MCUB: variants seen among roughly 807,000 people sequenced by gnomAD.
The protein encoded by MCUB is mitochondrial calcium uniporter dominant negative subunit beta.
A neutral mutation model predicts 41.4 loss-of-function variants in MCUB; 46 were observed. The ratio of observed to expected loss-of-function variants is 1.11; its 90% CI spans 0.88 to 1.42. The LOEUF (loss-of-function observed/expected upper bound fraction) is 1.42, where lower values mean the gene tolerates loss of function less well. Among genes scored for constraint, MCUB ranks in the 40% most tolerant of loss-of-function variants. The pLI, the probability that MCUB is intolerant of heterozygous loss-of-function variation, is 0.00. For missense variants in MCUB, 403 were observed against 404.9 expected, an observed-to-expected ratio of 1.00 and a Z score of 0.04; for synonymous variants, 148 against 148.2, an observed-to-expected ratio of 1.00 and a Z score of 0.01.
At chr4:109,600,219 G>A (rs528069583) in intron 1 of MCUB, among the ~76,000 whole-genome samples, 3 of 152,260 alleles carry the variant, frequency 2.0e-5, no homozygotes, top group African/African-American at 7.2e-5. Context: ...GCCACTACCT[G>A]TACTACCTGT....
At chr4:109,662,663 A>C (rs1455411829) in intron 3 of MCUB, among the ~76,000 whole-genome samples, 1 of 152,212 alleles carries the variant, frequency 6.6e-6, no homozygotes, top group Non-Finnish European at 1.5e-5. Flanking sequence ...TTTGCTATTC[A>C]TACCTTTGTA....
At chr4:109,652,681 C>T (rs1455736466) in intron 1 of MCUB, among the ~76,000 whole-genome samples, 1 of 152,142 alleles carries the variant, frequency 6.6e-6, no homozygotes, top group African/African-American at 2.4e-5. Flanking sequence ...GACCTAAGCA[C>T]CTCCCATTAG....
chr4:109,682,854 C>G, intron 5 of MCUB, 112 bp downstream of exon 5: 1 of 774,578 alleles, frequency 1.3e-6, no homozygotes, highest in Non-Finnish European at 2.0e-6. Flanking sequence ...TTCTCCTTTA[C>G]GCCTCACAAA....
chr4:109,612,454 T>C (rs1277627361), intron 1 of MCUB, among the ~76,000 whole-genome samples: 1 of 151,908 alleles, frequency 6.6e-6, no homozygotes, highest in Admixed American at 6.6e-5. Flanking sequence ...TTAGTAGATA[T>C]GGGATTTCAC....
chr4:109,565,303 C>T (rs1028172583), intron 1 of MCUB, among the ~76,000 whole-genome samples: 1 of 152,224 alleles, frequency 6.6e-6, no homozygotes, highest in African/African-American at 2.4e-5. Context: ...AACAACACCA[C>T]TGGCTATACG....
intron 1 of MCUB, among the ~76,000 whole-genome samples, chr4:109,570,232 G>A (rs1220721551): frequency 1.3e-5 from 2 of 152,116 alleles, no homozygotes; most frequent in Non-Finnish European, 2.9e-5. Flanking sequence ...TTACCACCAT[G>A]CCTGCATCCC....
chr4:109,569,289 G>A (rs188979079), intron 1 of MCUB, among the ~76,000 whole-genome samples: 1,767 of 152,028 alleles, frequency 0.012, 25 homozygotes, highest in Middle Eastern at 0.034. Context: ...CTTGTGATCC[G>A]CCCGTCTCGG....
chr4:109,577,497 A>G (rs1044763081), intron 1 of MCUB, among the ~76,000 whole-genome samples: 9 of 152,286 alleles, frequency 5.9e-5, no homozygotes, highest in African/African-American at 2.2e-4. Context: ...TGATAAAGCA[A>G]CTAAGGCTCA....
At chr4:109,584,665 T>C (rs1049204896) in intron 1 of MCUB, among the ~76,000 whole-genome samples, 1 of 152,206 alleles carries the variant, frequency 6.6e-6, no homozygotes, top group Non-Finnish European at 1.5e-5. Context: ...TTTGTTCTCA[T>C]TGGTTTCAAA....
intron 1 of MCUB, among the ~76,000 whole-genome samples, chr4:109,607,481 GTGCTGGGATTACA>G (rs1408922535): frequency 2.6e-5 from 4 of 152,140 alleles, no homozygotes; most frequent in African/African-American, 9.7e-5. Context: ...GCCTCCCAAA[GTGCTGGGATTACA>G]GGCGTGAGCC....
intron 1 of MCUB, among the ~76,000 whole-genome samples, chr4:109,581,256 A>G (rs956278495): frequency 7.2e-5 from 11 of 152,216 alleles, no homozygotes; most frequent in Non-Finnish European, 1.5e-4. Context: ...TTCTTTGACA[A>G]ACCTGACAAA....
In MCUB at chr4:109,685,283, ATTTC is replaced by A; in HGVS notation, c.852_855del (p.Leu285SerfsTer20). The A allele has an allele frequency of 6.4e-7, 1 of 1,564,384 alleles. No individual in the cohort carries two copies. The highest frequency in any genetic ancestry group is 1.7e-5 in the Admixed American group (1 of 59,914). ...CTTACTCAGCTGTTAAGAGTAGGCAATTTCTTCAGTTCTTCCACAAGAAATCAAA... is the reference window on the plus strand; with the variant it reads ...CTTACTCAGCTGTTAAGAGTAGGCAATTCAGTTCTTCCACAAGAAATCAAA... On this transcript the variant is annotated frameshift_variant, in exon 7 of 8. Transcript: ENST00000394650. LOFTEE classifies it high-confidence loss of function.
At chr4:109,638,559 G>A (rs905675051) in intron 1 of MCUB, among the ~76,000 whole-genome samples, 2 of 152,174 alleles carry the variant, frequency 1.3e-5, no homozygotes, top group Non-Finnish European at 1.5e-5. Context: ...CAGGATGGTG[G>A]TTGCTGAAGG....
chr4:109,614,366 G>A (rs1273831184), intron 1 of MCUB, among the ~76,000 whole-genome samples: 2 of 152,090 alleles, frequency 1.3e-5, no homozygotes, highest in Non-Finnish European at 2.9e-5. Flanking sequence ...GGCTTTTGGA[G>A]ATGGGATCCT....
intron 1 of MCUB, among the ~76,000 whole-genome samples, chr4:109,624,027 ATT>A (rs1367226941): frequency 6.6e-6 from 1 of 151,980 alleles, no homozygotes; most frequent in Non-Finnish European, 1.5e-5. Flanking sequence ...TTTTTAAAAA[ATT>A]TTTTGTAGAG....
At chr4:109,598,379 G>T (rs990309114) in intron 1 of MCUB, among the ~76,000 whole-genome samples, 1 of 152,192 alleles carries the variant, frequency 6.6e-6, no homozygotes, top group African/African-American at 2.4e-5. Flanking sequence ...GATCACTCGC[G>T]GTTAGGAGCT....
intron 4 of MCUB, chr4:109,681,338 G>A (rs1729712526): frequency 6.2e-6 from 2 of 324,104 alleles, no homozygotes; most frequent in African/African-American, 2.2e-5. Flanking sequence ...GTAGTCAAAA[G>A]CTACTAAAGT....
At chr4:109,608,213 A>G (rs773475176) in intron 1 of MCUB, among the ~76,000 whole-genome samples, 1 of 151,820 alleles carries the variant, frequency 6.6e-6, no homozygotes, top group Non-Finnish European at 1.5e-5. Context: ...GTATTCTTCA[A>G]CTCCAGAATT....
chr4:109,564,126 G>T (rs1016232947), intron 1 of MCUB, among the ~76,000 whole-genome samples: 1 of 152,008 alleles, frequency 6.6e-6, no homozygotes, highest in South Asian at 2.1e-4. Flanking sequence ...TAGGCTATAT[G>T]CATTTCTTTC....
Sources: gnomAD v4.1 joint callset for allele counts (sites outside exome capture counted in the v4.1 genomes callset) on GRCh38, gnomAD v4.1.1 for gene constraint, MANE v1.5 for transcripts, NCBI Gene and HGNC (gene_info 2026-07-23, HGNC 2026-07-21) for gene names.